Variants in TC2N observed in about 807,000 individuals in gnomAD.
TC2N encodes the protein tandem C2 domains, nuclear, also known as tandem C2 domains nuclear protein.
A neutral mutation model predicts 61.9 loss-of-function variants in TC2N; 51 were observed. The observed-to-expected ratio is 0.82, with a 90% CI of 0.66 to 1.04. TC2N has a LOEUF of 1.04. Among genes scored for constraint, TC2N ranks in the 50% least tolerant of loss-of-function variants. The probability of loss-of-function intolerance (pLI) is 0.00; values close to 1 mark genes in which losing one functional copy is unlikely to be tolerated. For missense variants in TC2N, 556 were observed against 566.7 expected, an observed-to-expected ratio of 0.98 and a Z score of 0.19; for synonymous variants, 204 against 192.6, an observed-to-expected ratio of 1.06 and a Z score of -0.49.
intron 3 of TC2N, 81 bp from the exon 4 acceptor site, chr14:91,802,502 G>A: frequency 3.8e-6 from 5 of 1,317,476 alleles, no homozygotes; most frequent in Admixed American, 4.6e-5. Context: ...CAGGGTAAAA[G>A]AAAAAATATT....
Position 91,820,545 on chromosome 14 carries a change from G to A in TC2N, c.-56-6720C>T, listed in dbSNP as rs1478008971. ...ATTGAAAGTCTCCCTCTAAAGCCAG[G>A]AAAAAAAAAAAAGATTTCTACTCTC... On this transcript the variant is annotated intron_variant, in intron 1 of 11. Coordinates refer to ENST00000435962, the MANE Select transcript of TC2N (RefSeq NM_001128596.3). 5.0e-4 allele frequency among the ~76,000 whole-genome samples: 70 copies of A among 140,830 alleles called. No homozygotes were observed. In the East Asian group the frequency reaches 0.012, roughly 23 times the overall value. 92.4% of individuals were successfully genotyped at this position (140,830 alleles called of 152,430 possible).
chr14:91,866,909 C>T (rs1888714431), intron 1 of TC2N, among the ~76,000 whole-genome samples: 1 of 152,178 alleles, frequency 6.6e-6, no homozygotes, highest in African/African-American at 2.4e-5. Context: ...ATGTTTGGAG[C>T]TTGACTTTGC....
chr14:91,864,859 G>A (rs1888664161), intron 1 of TC2N, among the ~76,000 whole-genome samples: 1 of 136,486 alleles, frequency 7.3e-6, no homozygotes, highest in Non-Finnish European at 1.5e-5. Context: ...TCAGCTCACT[G>A]CAACCTCTGC....
At chr14:91,862,200 C>T (rs899292100) in intron 1 of TC2N, among the ~76,000 whole-genome samples, 33 of 151,540 alleles carry the variant, frequency 2.2e-4, no homozygotes, top group African/African-American at 3.9e-4. Flanking sequence ...ATCAGCCAGG[C>T]GTGGTGGCGG....
intron 1 of TC2N, among the ~76,000 whole-genome samples, chr14:91,861,701 T>G (rs1417855479): frequency 6.6e-6 from 1 of 152,128 alleles, no homozygotes; most frequent in Non-Finnish European, 1.5e-5. Flanking sequence ...GGTGTGTGGA[T>G]CACCTGAGGT....
At chr14:91,789,074 ATTT>A (rs1007833796) in intron 9 of TC2N, among the ~76,000 whole-genome samples, 2 of 152,150 alleles carry the variant, frequency 1.3e-5, no homozygotes, top group Non-Finnish European at 2.9e-5. Flanking sequence ...TCATGGTTAA[ATTT>A]TTTTATTATT....
chr14:91,827,518 C>T (rs542969025), intron 1 of TC2N, among the ~76,000 whole-genome samples: 107 of 152,314 alleles, frequency 7.0e-4, no homozygotes, highest in Admixed American at 3.2e-3. Flanking sequence ...TACATCTTCT[C>T]TAACTCCGAA....
chr14:91,794,959 A>G (rs1350613441), intron 8 of TC2N, among the ~76,000 whole-genome samples: 3 of 152,206 alleles, frequency 2.0e-5, no homozygotes, highest in Non-Finnish European at 4.4e-5. Flanking sequence ...TTCATGATGC[A>G]TGAAAGGTCA....
At chr14:91,811,931 T>C (rs181013068) in intron 3 of TC2N, 1 of 154,938 alleles carries the variant, frequency 6.5e-6, no homozygotes, top group Admixed American at 6.5e-5. Flanking sequence ...AGTTGTCATA[T>C]TGTATTGTTC....
intron 9 of TC2N, among the ~76,000 whole-genome samples, chr14:91,791,049 C>T (rs1463355547): frequency 6.6e-6 from 1 of 151,164 alleles, no homozygotes; most frequent in African/African-American, 2.4e-5. Flanking sequence ...GGGAGGATTG[C>T]TTGGTCGGGG....
intron 3 of TC2N, among the ~76,000 whole-genome samples, chr14:91,806,699 G>A (rs924617063): frequency 6.6e-6 from 1 of 151,796 alleles, no homozygotes; most frequent in African/African-American, 2.4e-5. Flanking sequence ...TTTTAAAAGA[G>A]AGCATAAAAG....
chr14:91,784,694 T>TGG (rs1566758245), intron 11 of TC2N, among the ~76,000 whole-genome samples: 2 of 152,126 alleles, frequency 1.3e-5, no homozygotes, highest in African/African-American at 4.8e-5. Flanking sequence ...GACAGTAGTA[T>TGG]TAACTAAATA....
At chr14:91,824,714 T>C (rs1316146700) in intron 1 of TC2N, among the ~76,000 whole-genome samples, 1 of 152,194 alleles carries the variant, frequency 6.6e-6, no homozygotes, top group African/African-American at 2.4e-5. Context: ...AAACACATGA[T>C]ACATTCAATC....
intron 1 of TC2N, among the ~76,000 whole-genome samples, chr14:91,849,942 G>A (rs913116374): frequency 2.0e-5 from 3 of 151,890 alleles, no homozygotes; most frequent in African/African-American, 7.3e-5. Flanking sequence ...CCAGCTACTC[G>A]GGAGGCTGAG....
At chr14:91,819,262 A>G (rs75937845) in intron 1 of TC2N, among the ~76,000 whole-genome samples, 3 of 152,104 alleles carry the variant, frequency 2.0e-5, no homozygotes, top group African/African-American at 7.2e-5. Context: ...TCTGGGAGGC[A>G]GAGGCTGCAA....
intron 7 of TC2N, 142 bp downstream of exon 7, chr14:91,798,157 C>T (rs999845396): frequency 5.2e-6 from 3 of 571,748 alleles, no homozygotes; most frequent in Admixed American, 3.7e-5. Flanking sequence ...TTATTAAATA[C>T]TATTTTCTGT....
At chr14:91,857,610 C>T (rs1040765964) in intron 1 of TC2N, among the ~76,000 whole-genome samples, 1 of 152,192 alleles carries the variant, frequency 6.6e-6, no homozygotes, top group Non-Finnish European at 1.5e-5. Flanking sequence ...AAAAGTGAGG[C>T]TCAAAGAACC....
chr14:91,819,885 A>G (rs1887168806), intron 1 of TC2N, among the ~76,000 whole-genome samples: 1 of 152,142 alleles, frequency 6.6e-6, no homozygotes, highest in Non-Finnish European at 1.5e-5. Flanking sequence ...CACAACCACT[A>G]AAATAAGAAA....
intron 1 of TC2N, among the ~76,000 whole-genome samples, chr14:91,816,386 G>A (rs1045375710): frequency 2.0e-5 from 3 of 151,728 alleles, no homozygotes; most frequent in Admixed American, 1.3e-4. Context: ...GTGATGTTGA[G>A]CTTCTTGTCA....
Sources: gnomAD v4.1 joint callset for allele counts (sites outside exome capture counted in the v4.1 genomes callset) on GRCh38, gnomAD v4.1.1 for gene constraint, MANE v1.5 for transcripts, NCBI Gene and HGNC (gene_info 2026-07-23, HGNC 2026-07-21) for gene names.